Variants in CCDC148 observed in about 807,000 individuals in gnomAD.
CCDC148 encodes the protein coiled-coil domain-containing protein 148.
In CCDC148, 89 loss-of-function variants were observed where a neutral mutation model predicts 85.7. The ratio of observed to expected loss-of-function variants is 1.04; its 90% CI spans 0.87 to 1.24. The LOEUF (loss-of-function observed/expected upper bound fraction) is 1.24. CCDC148 is among the 50% of genes most tolerant of loss of function. The pLI is 0.00. For missense variants in CCDC148, 692 were observed against 671.7 expected, an observed-to-expected ratio of 1.03 and a Z score of -0.33; for synonymous variants, 230 against 213.9, an observed-to-expected ratio of 1.08 and a Z score of -0.66.
At chr2:158,438,139 G>A (rs1228071834) in intron 1 of CCDC148, among the ~76,000 whole-genome samples, 2 of 152,024 alleles carry the variant, frequency 1.3e-5, no homozygotes, top group Non-Finnish European at 2.9e-5. Context: ...AAGTTCATGT[G>A]GAACCAAAAA....
chr2:158,438,920 A>T (rs925602723), intron 1 of CCDC148, among the ~76,000 whole-genome samples: 2 of 152,212 alleles, frequency 1.3e-5, no homozygotes, highest in African/African-American at 2.4e-5. Flanking sequence ...TCAAAACCAC[A>T]ATGAGATACC....
chr2:158,271,119 T>C (rs1201710343), intron 9 of CCDC148, among the ~76,000 whole-genome samples: 1 of 152,196 alleles, frequency 6.6e-6, no homozygotes, highest in Non-Finnish European at 1.5e-5. Context: ...TTCAGCATAA[T>C]CATCATCACT....
Position 158,263,546 on chromosome 2 carries a change from A to C in CCDC148, c.1111-12634T>G, listed in dbSNP as rs552314237. Among the ~76,000 whole-genome samples, 362 of 152,154 alleles carry C rather than the reference A, an allele frequency of 2.4e-3. 1 individual carries two copies. Among genetic ancestry groups the C allele is most frequent in the African/African-American group, 8.4e-3 (347 of 41,542 alleles). On this transcript the variant is annotated intron_variant, in intron 9 of 13. Transcript: ENST00000283233. ...CTAAATTCAAAGGAGATACTCAATA[A>C]AACTCATTCTTAAAGACACTTGTGA...
Position 158,357,719 on chromosome 2 carries a change from C to T in CCDC148, c.147+730G>A, listed in dbSNP as rs1157620110. 3.3e-5 allele frequency among the ~76,000 whole-genome samples: 5 copies of T among 152,116 alleles called. No individual in the cohort carries two copies. In the South Asian group the frequency reaches 1.0e-3, roughly 32 times the overall value. On this transcript the variant is annotated intron_variant, in intron 2 of 13. Transcript: ENST00000283233. ...TCTCCAGAATAGAGTATCAAATGTG[C>T]TTTGAAATAATAACAATTGCCTTCT...
At chr2:158,412,417 G>A (rs1174387667) in intron 1 of CCDC148, among the ~76,000 whole-genome samples, 1 of 152,106 alleles carries the variant, frequency 6.6e-6, no homozygotes. Flanking sequence ...TCCCATGAAG[G>A]TATTCTTTAA....
chr2:158,350,108 C>T (rs1559089130), intron 2 of CCDC148, among the ~76,000 whole-genome samples: 1 of 152,164 alleles, frequency 6.6e-6, no homozygotes, highest in Non-Finnish European at 1.5e-5. Context: ...TGAACGTGAG[C>T]ATCTGTTTAA....
At chr2:158,255,628 ACT>A (rs1688981745) in intron 9 of CCDC148, among the ~76,000 whole-genome samples, 1 of 151,696 alleles carries the variant, frequency 6.6e-6, no homozygotes, top group Non-Finnish European at 1.5e-5. Context: ...AGCACAGAAG[ACT>A]CTGAGTGAAC....
chr2:158,212,657 G>GA (rs1481381295), intron 11 of CCDC148, among the ~76,000 whole-genome samples: 11 of 152,060 alleles, frequency 7.2e-5, no homozygotes, highest in African/African-American at 2.4e-4. Context: ...TGTTATTTGG[G>GA]AAAAAATAAC....
intron 1 of CCDC148, among the ~76,000 whole-genome samples, chr2:158,397,563 T>C (rs1321403796): frequency 2.0e-5 from 3 of 152,052 alleles, no homozygotes; most frequent in African/African-American, 7.2e-5. Flanking sequence ...AAATCCTTTA[T>C]ATACCAGCAA....
At chr2:158,248,930 A>G (rs945888003) in intron 10 of CCDC148, among the ~76,000 whole-genome samples, 3 of 152,064 alleles carry the variant, frequency 2.0e-5, no homozygotes, top group Non-Finnish European at 4.4e-5. Context: ...TTCTTGTTAC[A>G]GTGTTTATGA....
rs370530562 is a variant in CCDC148 at position 158,180,321 on chromosome 2, C to G, written c.1371-1325G>C. Among the ~76,000 whole-genome samples, 4 of 152,234 alleles carry G rather than the reference C, an allele frequency of 2.6e-5. No individual in the cohort carries two copies. The East Asian group carries it at 5.8e-4, about 22-fold the overall frequency. ...ATTTAGACCTCACAACAATCACATG[C>G]TGGGTTGCCATTTTTTAATTCCATT... On this transcript the variant is annotated intron_variant, in intron 11 of 13. Coordinates refer to ENST00000283233, the MANE Select transcript of CCDC148 (RefSeq NM_138803.4).
chr2:158,226,739 T>C (rs1302039557), intron 10 of CCDC148, among the ~76,000 whole-genome samples: 3 of 152,126 alleles, frequency 2.0e-5, no homozygotes, highest in Admixed American at 2.0e-4. Flanking sequence ...GAAAAGGCCT[T>C]TGACAAAATT....
intron 9 of CCDC148, among the ~76,000 whole-genome samples, chr2:158,303,102 A>G (rs73968912): frequency 0.31 from 47,269 of 152,102 alleles, 8,142 homozygotes; most frequent in Middle Eastern, 0.45. Flanking sequence ...CCTTTAACAC[A>G]TCTTAAAAGA....
chr2:158,362,161 C>A (rs1339758493), intron 1 of CCDC148, among the ~76,000 whole-genome samples: 1 of 152,106 alleles, frequency 6.6e-6, no homozygotes, highest in African/African-American at 2.4e-5. Flanking sequence ...TACAGGACCA[C>A]CCAGATTCAT....
chr2:158,351,072 C>G (rs1272793418), intron 2 of CCDC148, among the ~76,000 whole-genome samples: 1 of 152,148 alleles, frequency 6.6e-6, no homozygotes, highest in Non-Finnish European at 1.5e-5. Context: ...CTTCCCTAAC[C>G]ACTCAGTGAA....
intron 1 of CCDC148, among the ~76,000 whole-genome samples, chr2:158,408,137 G>T (rs184675965): frequency 9.9e-4 from 150 of 152,082 alleles, no homozygotes; most frequent in Non-Finnish European, 1.8e-3. Context: ...AATATTTAAG[G>T]TATAAAACTA....
At chr2:158,404,084 GAAAT>G (rs1685899105) in intron 1 of CCDC148, among the ~76,000 whole-genome samples, 1 of 152,094 alleles carries the variant, frequency 6.6e-6, no homozygotes, top group Non-Finnish European at 1.5e-5. Context: ...AGTAATAAAA[GAAAT>G]AATATAGGCA....
rs1416368505 is a variant in CCDC148, at chr2:158,456,700, C to T, written c.-261G>A. The stretch of plus-strand genomic sequence containing the variant: ...GCGCCCGAGACCTGAGACACCTTCT[C>T]TCTCACACCCACCCTCTCCAGGCCC... On this transcript the variant is annotated 5_prime_UTR_variant, in exon 1 of 14. Transcript: ENST00000283233. 5.5e-6 allele frequency: 3 copies of T among 548,294 alleles called. No individual in the cohort carries two copies. The Admixed American group carries it at 9.7e-5, about 18-fold the overall frequency. The allele number at this position is 548,294 out of a possible 1,614,324, so 34.0% of individuals were successfully genotyped here. A position where few individuals can be genotyped will look rare whatever the true frequency, so the allele number is the denominator to read the frequency against.
chr2:158,306,211 A>G (rs1002529758), intron 9 of CCDC148, among the ~76,000 whole-genome samples: 27 of 152,144 alleles, frequency 1.8e-4, no homozygotes, highest in Non-Finnish European at 3.2e-4. Flanking sequence ...TTCAAAATTC[A>G]TAGAACTATG....
Sources: gnomAD v4.1 joint callset for allele counts (sites outside exome capture counted in the v4.1 genomes callset) on GRCh38, gnomAD v4.1.1 for gene constraint, MANE v1.5 for transcripts, NCBI Gene and HGNC (gene_info 2026-07-23, HGNC 2026-07-21) for gene names.